Variants in PTGIS observed in about 807,000 individuals in gnomAD.
PTGIS encodes the protein prostaglandin I2 synthase.
In PTGIS, 45 loss-of-function variants were observed where a neutral mutation model predicts 50.3. The ratio of observed to expected loss-of-function variants is 0.90; its 90% CI spans 0.70 to 1.15. The LOEUF (loss-of-function observed/expected upper bound fraction) is 1.15. Ranked by LOEUF, PTGIS falls within the 50% of genes most tolerant of loss-of-function variation. PTGIS has a pLI of 0.00. For synonymous variants in PTGIS, 260 were observed against 267.7 expected (o/e 0.97, Z 0.28); for missense variants, 668 against 661.3 (o/e 1.01, Z -0.11).
At chr20:49,556,220 G>T (rs1982619826) in intron 1 of PTGIS, among the ~76,000 whole-genome samples, 2 of 152,170 alleles carry the variant, frequency 1.3e-5, no homozygotes, top group African/African-American at 4.8e-5. Context: ...TTATGGCAAT[G>T]TAGTTATTTG....
Position 49,539,713 on chromosome 20 carries a change from T to TA in PTGIS, c.529dup (p.Tyr177LeufsTer8). The TA allele has an allele frequency of 6.2e-7, 1 of 1,612,028 alleles. No homozygotes were observed. Among genetic ancestry groups the TA allele is most frequent in the Non-Finnish European group, 8.5e-7 (1 of 1,179,774 alleles). On this transcript the variant is annotated frameshift_variant, in exon 5 of 10. Transcript: ENST00000244043. LOFTEE classifies it high-confidence loss of function. Reference sequence around the variant, plus strand: ...CGCCTCAATTCCGTAAAGAGTCAGGTAGCCGGCTCTGGGGGCGGCAGACAG... The same window carrying TA: ...CGCCTCAATTCCGTAAAGAGTCAGGTAAGCCGGCTCTGGGGGCGGCAGACAG...
chr20:49,546,691 C>T (rs1317725954), intron 3 of PTGIS, among the ~76,000 whole-genome samples: 1 of 152,198 alleles, frequency 6.6e-6, no homozygotes, highest in Non-Finnish European at 1.5e-5. Context: ...CAAGTCACTT[C>T]ACCTCTCTGA....
At chr20:49,541,565 C>T (rs1982230346) in intron 4 of PTGIS, among the ~76,000 whole-genome samples, 1 of 152,074 alleles carries the variant, frequency 6.6e-6, no homozygotes, top group Non-Finnish European at 1.5e-5. Context: ...AACCCCCTCT[C>T]TACTAAAAAT....
At position 49,513,177 on chromosome 20, in the gene PTGIS, G is replaced by GC; in HGVS notation, c.1108dup (p.Ala370GlyfsTer12). 6.2e-7 allele frequency: 1 copy of GC among 1,614,130 alleles called. No individual in the cohort carries two copies. The highest frequency in any genetic ancestry group is 2.2e-5 in the East Asian group (1 of 44,882). ...TCGCAGGTTGAATTCTCGCCCGTCT[G>GC]CCATGGGCATGGCCAGGTCCACCAC... is the stretch of plus-strand genomic sequence containing the variant. On this transcript the variant is annotated frameshift_variant, in exon 8 of 10. Transcript: ENST00000244043. LOFTEE classifies it high-confidence loss of function.
At chr20:49,542,654 C>A (rs1982259222) in intron 4 of PTGIS, among the ~76,000 whole-genome samples, 1 of 152,218 alleles carries the variant, frequency 6.6e-6, no homozygotes, top group African/African-American at 2.4e-5. Context: ...CCTCTCTGGA[C>A]CTCAGTCCCC....
At chr20:49,564,045 C>T (rs1033419091) in intron 1 of PTGIS, among the ~76,000 whole-genome samples, 1 of 152,208 alleles carries the variant, frequency 6.6e-6, no homozygotes, top group Non-Finnish European at 1.5e-5. Flanking sequence ...AAGGGGCCCA[C>T]AAGCCATACT....
chr20:49,524,026 C>G (rs760801896), intron 6 of PTGIS, 32 bp downstream of exon 6: 1 of 1,613,414 alleles, frequency 6.2e-7, no homozygotes, highest in Non-Finnish European at 8.5e-7. Context: ...ACATGCACAC[C>G]TGCACACACC....
At chr20:49,534,650 G>C (rs987221337) in intron 5 of PTGIS, among the ~76,000 whole-genome samples, 2 of 152,176 alleles carry the variant, frequency 1.3e-5, no homozygotes, top group African/African-American at 4.8e-5. Flanking sequence ...CCACCTACCA[G>C]CTGCATGTCT....
chr20:49,525,239 C>T (rs1981765620), intron 5 of PTGIS, among the ~76,000 whole-genome samples: 1 of 152,238 alleles, frequency 6.6e-6, no homozygotes, highest in Non-Finnish European at 1.5e-5. Flanking sequence ...GAGGGAAACA[C>T]CCCAGCATGG....
At chr20:49,513,370 G>A in intron 7 of PTGIS, 109 bp from the exon 8 acceptor site, 2 of 1,244,840 alleles carry the variant, frequency 1.6e-6, no homozygotes, top group Non-Finnish European at 2.3e-6. Flanking sequence ...CAGAGAGGGT[G>A]CCTGCCTCGC....
rs1371189831 is a variant in PTGIS, at chr20:49,511,039, G to A, written c.1347C>T (p.Asn449=). The change falls in exon 9 of 10, where the codon AAC becomes AAT. Residue 449 remains asparagine, a synonymous_variant. Transcript: ENST00000244043. The part of the protein sequence containing the change: ...NHCLGRSYAV[N]SIKQFVFLVL... The stretch of plus-strand genomic sequence containing the variant: ...GGCCCCCCACTCACTGTTTGATGCT[G>A]TTGACCGCATAACTCCTCCCCAGGC... The A allele has an allele frequency of 1.9e-6, 3 of 1,613,464 alleles. No individual in the cohort carries two copies. Among genetic ancestry groups the A allele is most frequent in the Admixed American group, 1.7e-5 (1 of 60,020 alleles).
Position 49,568,105 on chromosome 20 carries a change from G to T in PTGIS, c.12C>A (p.Ala4=). The T allele has an allele frequency of 7.0e-7, 1 of 1,433,390 alleles. No homozygotes were observed. The highest frequency in any genetic ancestry group is 1.5e-5 in the African/African-American group (1 of 66,470). The allele number at this position is 1,433,390 out of a possible 1,614,324, so 88.8% of individuals were successfully genotyped here. A position where few individuals can be genotyped will look rare whatever the true frequency, so the allele number is the denominator to read the frequency against. MAW[A]ALLGLLAALL... The stretch of plus-strand genomic sequence containing the variant: ...GTGCGGCCAGGAGGCCGAGGAGCGC[G>T]GCCCAAGCCATCGCGGGGCTGGCGG... Residue 4 remains alanine, a synonymous_variant, in exon 1 of 10, where the codon GCC becomes GCA. Transcript: ENST00000244043.
chr20:49,536,478 CTTTTTTTTT>C (rs761478359), intron 5 of PTGIS, among the ~76,000 whole-genome samples: 169 of 108,678 alleles, frequency 1.6e-3, no homozygotes, highest in Admixed American at 5.6e-3. Flanking sequence ...TTCTTTCTTT[CTTTTTTTTT>C]TTTTTTTTTT....
intron 2 of PTGIS, among the ~76,000 whole-genome samples, chr20:49,549,497 G>A (rs1982450155): frequency 1.3e-5 from 2 of 152,176 alleles, no homozygotes; most frequent in African/African-American, 2.4e-5. Context: ...GGATACAGGG[G>A]GCCAACTGTA....
intron 1 of PTGIS, among the ~76,000 whole-genome samples, chr20:49,565,136 A>C (rs2122912323): frequency 1.1e-5 from 1 of 93,126 alleles, no homozygotes; most frequent in Admixed American, 1.3e-4. Flanking sequence ...ACGCCCGGCT[A>C]ATTTTTTTTG....
intron 9 of PTGIS, 83 bp downstream of exon 9, chr20:49,510,945 G>A: frequency 7.5e-7 from 1 of 1,332,642 alleles, no homozygotes; most frequent in Non-Finnish European, 1.1e-6. Flanking sequence ...TCTCCTGGCT[G>A]AGCCCTCAGT....
exon 1 of PTGIS, chr20:49,568,117 CGCGGGGCTGGCGGGGCTGGCGGGGCTG>C: frequency 1.3e-6 from 1 of 784,860 alleles, no homozygotes; most frequent in Non-Finnish European, 1.8e-6. Context: ...CCCAAGCCAT[CGCGGGGCTGGCGGGGCTGGCGGGGCTG>C]GCGGGGCTGG....
intron 5 of PTGIS, among the ~76,000 whole-genome samples, chr20:49,526,503 A>G (rs994357169): frequency 6.6e-6 from 1 of 152,246 alleles, no homozygotes; most frequent in African/African-American, 2.4e-5. Context: ...ATCAATGAAT[A>G]ATTAAGCAAA....
rs753165328 is a variant in PTGIS, at chr20:49,513,145, C to A, written c.1141G>T (p.Asp381Tyr). ...DGREFNLRRGDRLLLFPFLSP... is the reference protein window; with the variant it reads ...DGREFNLRRGYRLLLFPFLSP... ...AGGAAGGGGAAGAGGAGGAGGCGGTCACCACGTCGCAGGTTGAATTCTCGC... is the reference window on the plus strand; with the variant it reads ...AGGAAGGGGAAGAGGAGGAGGCGGTAACCACGTCGCAGGTTGAATTCTCGC... Residue 381 changes from aspartate (D) to tyrosine (Y), a missense_variant, in exon 8 of 10, where the codon GAC becomes TAC. Physicochemically the swap from Asp to Tyr is radical, Grantham distance 160. Transcript: ENST00000244043. 1.7e-5 allele frequency: 28 copies of A among 1,613,984 alleles called. No individual in the cohort carries two copies. Among genetic ancestry groups the A allele is most frequent in the Non-Finnish European group, 2.3e-5 (27 of 1,180,028 alleles).
Sources: allele counts gnomAD v4.1 joint callset (sites outside exome capture counted in the v4.1 genomes callset), GRCh38; gene constraint gnomAD v4.1.1; transcripts MANE v1.5; gene names NCBI Gene and HGNC (gene_info 2026-07-23, HGNC 2026-07-21).